Variants in SGSH observed in about 807,000 individuals in gnomAD.
SGSH encodes the protein heparan sulfate sulfatase.
SGSH carries 48 observed loss-of-function variants against 51.0 expected under a neutral mutation model. The observed-to-expected ratio is 0.94, with a 90% CI of 0.75 to 1.20. The LOEUF is 1.20. SGSH is among the 50% of genes most tolerant of loss of function. The pLI is 0.00. For synonymous variants in SGSH, 321 were observed against 313.4 expected (o/e 1.02, Z -0.26); for missense variants, 662 against 717.8 (o/e 0.92, Z 0.89).
chr17:80,206,949 T>C (rs921318095), downstream of SGSH: 24 of 1,583,192 alleles, frequency 1.5e-5, no homozygotes, highest in Non-Finnish European at 1.7e-5. Context: ...TTGACTCACT[T>C]CTTCTCTCCC....
chr17:80,201,944 T>G (rs988924591), downstream of SGSH: 3 of 1,512,392 alleles, frequency 2.0e-6, no homozygotes, highest in African/African-American at 4.2e-5. The surrounding 1 kb of genome is among the most constrained non-coding windows in gnomAD (Gnocchi z 5.0). Flanking sequence ...TGGTGGTTCT[T>G]CTGCACGCCC....
downstream of SGSH, chr17:80,207,047 C>T (rs530156168): frequency 8.7e-6 from 14 of 1,614,046 alleles, no homozygotes; most frequent in Middle Eastern, 1.7e-4. Flanking sequence ...CCATCGTCAT[C>T]CACGTCTCTG....
chr17:80,205,013 C>G (rs1237882781), downstream of SGSH: 2 of 1,538,042 alleles, frequency 1.3e-6, no homozygotes, highest in African/African-American at 1.4e-5. Context: ...CTCACCCACC[C>G]TCAGGATCCT....
the SGSH span, chr17:80,201,278 T>TG: frequency 6.1e-6 from 1 of 164,548 alleles, no homozygotes; most frequent in East Asian, 1.9e-4. This position sits in a 1 kb window ranked among gnomAD's most constrained non-coding sequence, Gnocchi z 5.0. Flanking sequence ...GCCTTCACAG[T>TG]GGGGAAGGCT....
At chr17:80,211,378 C>T (rs148632366) in intron 7 of SGSH, 13 of 345,764 alleles carry the variant, frequency 3.8e-5, no homozygotes, top group Non-Finnish European at 5.9e-5. Context: ...ATGTGGGCCG[C>T]GAGCTCGGAG....
At chr17:80,219,993 G>GTC (rs1438534274) in intron 1 of SGSH, 1 of 466,668 alleles carries the variant, frequency 2.1e-6, no homozygotes, top group Non-Finnish European at 3.8e-6. Flanking sequence ...CACGAGGTAA[G>GTC]TGTAGGGGTG....
chr17:80,201,640 C>G, the SGSH span: 2 of 1,229,552 alleles, frequency 1.6e-6, no homozygotes, highest in African/African-American at 3.0e-5. This position sits in a 1 kb window ranked among gnomAD's most constrained non-coding sequence, Gnocchi z 5.0. Context: ...GGTCCTACGG[C>G]AGGGCTGGCC....
chr17:80,212,470 C>T lies in SGSH; in HGVS notation c.746-196G>A. 1 of 638,268 alleles carries T rather than the reference C, an allele frequency of 1.6e-6. No individual in the cohort carries two copies. The highest frequency in any genetic ancestry group is 2.8e-5 in the East Asian group (1 of 36,044). The allele number at this position is 638,268 out of a possible 1,614,324, so 39.5% of individuals were successfully genotyped here. On this transcript the variant is annotated intron_variant, in intron 6 of 7. Coordinates refer to ENST00000326317, the MANE Select transcript of SGSH (RefSeq NM_000199.5). This position sits in a 1 kb window ranked among gnomAD's most constrained non-coding sequence, Gnocchi z 5.9. ...CCCAGCTCCGCCCAGCTCCCATTCC[C>T]TGAGCAGGCCTCGAATGGGCCTCCA...
Position 80,210,237 on chromosome 17 carries a change from G to C in SGSH, c.*215C>G, listed in dbSNP as rs2041578862. The C allele has an allele frequency of 7.0e-7, 1 of 1,424,560 alleles. No individual in the cohort carries two copies. The highest frequency in any genetic ancestry group is 1.4e-5 in the African/African-American group (1 of 69,540). 88.2% of individuals were successfully genotyped at this position (1,424,560 alleles called of 1,614,324 possible). A position where few individuals can be genotyped will look rare whatever the true frequency, so the allele number is the denominator to read the frequency against. On this transcript the variant is annotated 3_prime_UTR_variant, in exon 8 of 8. Coordinates refer to ENST00000326317, the MANE Select transcript of SGSH (RefSeq NM_000199.5). ...CCCCTGCCATGACGGCAGTGCCCCT[G>C]GTGGTGGAGGGGCTGGGCACATGCT...
chr17:80,212,274 C>T lies in SGSH; in HGVS notation c.746G>A (p.Gly249Glu). 1.2e-6 allele frequency: 2 copies of T among 1,604,962 alleles called. No homozygotes were observed. The highest frequency in any genetic ancestry group is 1.7e-6 in the Non-Finnish European group (2 of 1,176,218). Residue 249 changes from glycine (G) to glutamate (E), a missense_variant and splice_region_variant, in exon 7 of 8, where the codon GGA (glycine) becomes GAA (glutamate). By Grantham distance (98) the Gly-to-Glu change is moderately conservative. Transcript: ENST00000326317. This position sits in a 1 kb window ranked among gnomAD's most constrained non-coding sequence, Gnocchi z 5.9. ...QYTTVGRMDQ[G>E]VGLVLQELRD... is the part of the protein sequence containing the mutation. The stretch of plus-strand genomic sequence containing the variant: ...CAGCTCCTGGAGCACCAGTCCAACT[C>T]CTGTGGTGAGGGGCCGAGAAGCAGA...
downstream of SGSH, chr17:80,208,189 G>A (rs139969019): frequency 7.2e-4 from 1,117 of 1,551,930 alleles, 3 homozygotes; most frequent in African/African-American, 0.013. Flanking sequence ...TGGAGGCTGC[G>A]AGGCAGGAGG....
chr17:80,212,643 G>A lies in SGSH; in HGVS notation c.746-369C>T, dbSNP rs150397958. 8.7e-3 allele frequency: 3,217 copies of A among 367,876 alleles called. 26 individuals are homozygous for A. Among genetic ancestry groups the A allele is most frequent in the Middle Eastern group, 0.015 (16 of 1,058 alleles). The allele number at this position is 367,876 out of a possible 1,614,324, so 22.8% of individuals were successfully genotyped here. A position where few individuals can be genotyped will look rare whatever the true frequency, so the allele number is the denominator to read the frequency against. On this transcript the variant is annotated intron_variant, in intron 6 of 7. Coordinates refer to ENST00000326317, the MANE Select transcript of SGSH (RefSeq NM_000199.5). The surrounding 1 kb of genome is among the most constrained non-coding windows in gnomAD (Gnocchi z 5.9). ...AGAGGACGAGGCTTCCTCTATACTC[G>A]CTCCTTCCCAGCTGGGGCCAGAGGA...
chr17:80,202,220 G>A (rs1024202736), downstream of SGSH: 58 of 1,613,838 alleles, frequency 3.6e-5, no homozygotes, highest in Middle Eastern at 1.6e-4. Flanking sequence ...CCAAAGTGGC[G>A]ACCTCGGGGG....
downstream of SGSH, chr17:80,207,214 C>T (rs1373952264): frequency 1.1e-5 from 7 of 623,466 alleles, no homozygotes; most frequent in East Asian, 3.0e-5. Context: ...GGGCCGTTTC[C>T]GCACAACTTT....
intron 7 of SGSH, chr17:80,211,385 G>A (rs980005297): frequency 1.5e-5 from 5 of 336,924 alleles, no homozygotes; most frequent in South Asian, 5.5e-5. Context: ...CCGCGAGCTC[G>A]GAGGGAAAGG....
rs2041785737 is a variant in SGSH at position 80,214,046 on chromosome 17, C to A, written c.663+126G>T. The A allele has an allele frequency of 5.0e-6, 7 of 1,395,418 alleles. No individual in the cohort carries two copies. In the Middle Eastern group the frequency reaches 8.7e-4, roughly 174 times the overall value. 86.4% of individuals were successfully genotyped at this position (1,395,418 alleles called of 1,614,324 possible). ...CTCTCTGTGGCCCCGAGGTTGGGAA[C>A]CTGAATCCGATTTGGTCAGAGCCTC... On this transcript the variant is annotated intron_variant, in intron 5 of 7. Coordinates refer to ENST00000326317, the MANE Select transcript of SGSH (RefSeq NM_000199.5).
In SGSH at chr17:80,220,287, G is replaced by A. The variant is rs1341817324; in HGVS notation, c.27C>T (p.Cys9=). The A allele has an allele frequency of 1.1e-5, 17 of 1,518,884 alleles. No individual in the cohort carries two copies. Among genetic ancestry groups the A allele is most frequent in the Non-Finnish European group, 1.5e-5 (17 of 1,140,180 alleles). 94.1% of individuals were successfully genotyped at this position (1,518,884 alleles called of 1,614,324 possible). ...AGAGCCCCAGGACTAGCAGCAGCGC[G>A]CAGCAGGCGGGCACGGGGCAGCTCA... MSCPVPAC[C]ALLLVLGLCR... is the part of the protein sequence containing the mutation. The change falls in exon 1 of 8, where the codon TGC becomes TGT. Residue 9 remains cysteine (C), a synonymous_variant. Coordinates refer to ENST00000326317, the MANE Select transcript of SGSH (RefSeq NM_000199.5).
chr17:80,207,031 T>C (rs767438527), downstream of SGSH: 1 of 1,614,090 alleles, frequency 6.2e-7, no homozygotes, highest in Non-Finnish European at 8.5e-7. Context: ...AGGATGGACA[T>C]CTTCCCCATC....
downstream of SGSH, among the ~76,000 whole-genome samples, chr17:80,207,864 CAA>C (rs759593746): frequency 6.0e-5 from 8 of 132,858 alleles, no homozygotes; most frequent in Admixed American, 7.5e-5. Context: ...CGGCTAAGGA[CAA>C]AAAAAAAAAA....
Sources: allele counts gnomAD v4.1 joint callset (sites outside exome capture counted in the v4.1 genomes callset), GRCh38; gene constraint gnomAD v4.1.1; non-coding constraint Gnocchi (gnomAD v3.1); transcripts MANE v1.5; gene names NCBI Gene and HGNC (gene_info 2026-07-23, HGNC 2026-07-21).